Variants in HEMK2 observed in about 807,000 individuals in gnomAD.
HEMK2 encodes the protein methyltransferase HEMK2.
chr21:28,655,252 A>G, the HEMK2 span, among the ~76,000 whole-genome samples: 10 of 152,188 alleles, frequency 6.6e-5, no homozygotes, highest in Non-Finnish European at 1.2e-4. Context: ...AATGAATACA[A>G]TAAGTTTTTT....
the HEMK2 span, among the ~76,000 whole-genome samples, chr21:28,678,068 A>G: frequency 6.6e-6 from 1 of 152,252 alleles, no homozygotes; most frequent in African/African-American, 2.4e-5. Flanking sequence ...AAGTTGAGAG[A>G]AGAAGGCTTC....
the HEMK2 span, among the ~76,000 whole-genome samples, chr21:28,596,828 T>C: frequency 6.6e-6 from 1 of 152,214 alleles, no homozygotes; most frequent in Non-Finnish European, 1.5e-5. Flanking sequence ...AGTGTCTCGA[T>C]GGACAGTGTG....
At chr21:28,829,690 C>A in the HEMK2 span, among the ~76,000 whole-genome samples, 1 of 152,148 alleles carries the variant, frequency 6.6e-6, no homozygotes, top group South Asian at 2.1e-4. Flanking sequence ...AGACAAAACT[C>A]CATGGATTTT....
chr21:28,747,792 G>A, the HEMK2 span, among the ~76,000 whole-genome samples: 3 of 152,214 alleles, frequency 2.0e-5, no homozygotes, highest in African/African-American at 7.2e-5. Context: ...GCAACAAGGT[G>A]CTTTCAGAAG....
chr21:28,764,504 T>C, the HEMK2 span, among the ~76,000 whole-genome samples: 1 of 152,126 alleles, frequency 6.6e-6, no homozygotes, highest in East Asian at 1.9e-4. Flanking sequence ...AAACCTGTTT[T>C]ACTTCTAGCA....
chr21:28,655,052 C>T, the HEMK2 span, among the ~76,000 whole-genome samples: 1 of 151,796 alleles, frequency 6.6e-6, no homozygotes, highest in South Asian at 2.1e-4. Context: ...CAAATATTTA[C>T]CAAAAAAATC....
At chr21:28,725,043 C>G in the HEMK2 span, among the ~76,000 whole-genome samples, 1 of 152,126 alleles carries the variant, frequency 6.6e-6, no homozygotes, top group African/African-American at 2.4e-5. Flanking sequence ...CTTGACCTCC[C>G]AAAGTGGTAT....
At chr21:28,741,345 T>A in the HEMK2 span, among the ~76,000 whole-genome samples, 1 of 152,130 alleles carries the variant, frequency 6.6e-6, no homozygotes, top group South Asian at 2.1e-4. Flanking sequence ...AGAGAGAAAA[T>A]GTGTGTATTA....
chr21:28,717,480 CTT>C, the HEMK2 span, among the ~76,000 whole-genome samples: 6 of 117,306 alleles, frequency 5.1e-5, no homozygotes, highest in Non-Finnish European at 6.6e-5. Flanking sequence ...TCATTTTAGT[CTT>C]TTTTTTTTTT....
the HEMK2 span, among the ~76,000 whole-genome samples, chr21:28,845,842 A>C: frequency 2.6e-5 from 4 of 152,084 alleles, no homozygotes; most frequent in African/African-American, 9.7e-5. Context: ...CAGATTTGTT[A>C]CATGGGTAAA....
the HEMK2 span, among the ~76,000 whole-genome samples, chr21:28,614,050 T>C: frequency 4.6e-5 from 7 of 152,358 alleles, no homozygotes; most frequent in South Asian, 1.0e-3. Context: ...TGAGGCCCTA[T>C]TGCAGCAATG....
At chr21:28,849,530 T>C in the HEMK2 span, among the ~76,000 whole-genome samples, 1 of 152,164 alleles carries the variant, frequency 6.6e-6, no homozygotes, top group Non-Finnish European at 1.5e-5. Flanking sequence ...CAGGCTTAAA[T>C]GGTTGACAGA....
the HEMK2 span, among the ~76,000 whole-genome samples, chr21:28,792,347 G>A: frequency 6.6e-6 from 1 of 152,132 alleles, no homozygotes; most frequent in South Asian, 2.1e-4. Flanking sequence ...TCACTTTATT[G>A]TGTGGACTTG....
At chr21:28,803,256 C>T in the HEMK2 span, among the ~76,000 whole-genome samples, 3 of 152,296 alleles carry the variant, frequency 2.0e-5, no homozygotes, top group Non-Finnish European at 2.9e-5. Context: ...TGAATATATA[C>T]GGGTGCTGAT....
the HEMK2 span, among the ~76,000 whole-genome samples, chr21:28,591,807 T>C: frequency 6.6e-6 from 1 of 152,146 alleles, no homozygotes; most frequent in Non-Finnish European, 1.5e-5. Flanking sequence ...GTGTATTTGG[T>C]TTTCTGTTCC....
the HEMK2 span, among the ~76,000 whole-genome samples, chr21:28,793,680 G>T: frequency 6.6e-6 from 1 of 152,194 alleles, no homozygotes; most frequent in South Asian, 2.1e-4. Flanking sequence ...TGGAAATGGG[G>T]TCTTGGTCCA....
At chr21:28,768,722 G>A in the HEMK2 span, among the ~76,000 whole-genome samples, 3 of 151,942 alleles carry the variant, frequency 2.0e-5, no homozygotes, top group Admixed American at 2.0e-4. Context: ...TTGCTCTAAG[G>A]TCCTGTTATG....
the HEMK2 span, among the ~76,000 whole-genome samples, chr21:28,584,449 C>T: frequency 6.6e-6 from 1 of 152,136 alleles, no homozygotes; most frequent in Non-Finnish European, 1.5e-5. Flanking sequence ...TTCATTATCT[C>T]TAAAGCCAGT....
At chr21:28,658,191 AAAC>A in the HEMK2 span, among the ~76,000 whole-genome samples, 2 of 152,040 alleles carry the variant, frequency 1.3e-5, no homozygotes, top group Non-Finnish European at 2.9e-5. Context: ...CCTAAAAGAG[AAAC>A]AACATTAAAG....
Sources: gnomAD v4.1 joint callset for allele counts (sites outside exome capture counted in the v4.1 genomes callset) on GRCh38, gnomAD v4.1.1 for gene constraint, MANE v1.5 for transcripts, NCBI Gene and HGNC (gene_info 2026-07-23, HGNC 2026-07-21) for gene names.